Variants in COMMD9 observed in about 807,000 individuals in gnomAD.
The protein encoded by COMMD9 is COMM domain-containing protein 9.
COMMD9 carries 22 observed loss-of-function variants against 23.4 expected under a neutral mutation model. The observed-to-expected ratio is 0.94, with a 90% confidence interval of 0.67 to 1.34. COMMD9 has a LOEUF of 1.34. Ranked by LOEUF, COMMD9 falls within the 40% of genes most tolerant of loss-of-function variation. COMMD9 has a pLI of 0.00. For synonymous variants in COMMD9, 99 were observed against 97.4 expected (o/e 1.02, Z -0.10); for missense variants, 231 against 240.2 (o/e 0.96, Z 0.25).
At chr11:36,288,641 A>G (rs2133439026) in intron 1 of COMMD9, among the ~76,000 whole-genome samples, 1 of 152,182 alleles carries the variant, frequency 6.6e-6, no homozygotes, top group East Asian at 1.9e-4. Context: ...TCTCTACTAA[A>G]AATACATAAA....
At chr11:36,279,822 T>C (rs569271844) in intron 2 of COMMD9, among the ~76,000 whole-genome samples, 4 of 152,284 alleles carry the variant, frequency 2.6e-5, no homozygotes, top group East Asian at 1.9e-4. Flanking sequence ...ACAAAAAACA[T>C]AGGCCAGGTG....
chr11:36,286,492 G>T (rs1216842333), intron 1 of COMMD9, among the ~76,000 whole-genome samples: 1 of 150,834 alleles, frequency 6.6e-6, no homozygotes, highest in East Asian at 1.9e-4. Context: ...CTAGCTACTT[G>T]GTAGACTGAG....
Position 36,278,599 on chromosome 11 carries a change from G to A in COMMD9, c.195C>T (p.His65=), listed in dbSNP as rs1856014689. 1.2e-6 allele frequency: 2 copies of A among 1,613,934 alleles called. No individual in the cohort carries two copies. The highest frequency in any genetic ancestry group is 1.7e-6 in the Non-Finnish European group (2 of 1,179,960). ...EEAEELLQAL[H]RLTRLVAFRD... Reference sequence around the variant, plus strand: ...GGAATGCCACCAGCCTAGTGAGGCGGTGCAGAGCCTGGAGCAGCTGCAAGA... The same window carrying A: ...GGAATGCCACCAGCCTAGTGAGGCGATGCAGAGCCTGGAGCAGCTGCAAGA... The change falls in exon 3 of 6, where the codon CAC becomes CAT. Residue 65 remains histidine, a synonymous_variant. Coordinates refer to ENST00000263401, the MANE Select transcript of COMMD9 (RefSeq NM_014186.4).
intron 1 of COMMD9, among the ~76,000 whole-genome samples, chr11:36,283,281 G>A (rs1189737342): frequency 6.6e-6 from 1 of 152,052 alleles, no homozygotes; most frequent in Non-Finnish European, 1.5e-5. Context: ...GACAGAACAG[G>A]GCAAACAAAA....
At chr11:36,278,840 C>A (rs1473059473) in intron 2 of COMMD9, among the ~76,000 whole-genome samples, 1 of 152,198 alleles carries the variant, frequency 6.6e-6, no homozygotes, top group Admixed American at 6.5e-5. Flanking sequence ...AGCTCCCTGA[C>A]CTAGGAAGCT....
intron 2 of COMMD9, 137 bp downstream of exon 2, chr11:36,280,575 T>G (rs1304283297): frequency 1.3e-6 from 1 of 779,648 alleles, no homozygotes; most frequent in East Asian, 2.7e-5. Flanking sequence ...CTCCCATTCA[T>G]GTCCCATTTA....
Position 36,274,699 on chromosome 11 carries a change from GT to G in COMMD9, c.529del (p.Thr177HisfsTer6). 6.2e-7 allele frequency: 1 copy of G among 1,614,274 alleles called. No homozygotes were observed. Among genetic ancestry groups the G allele is most frequent in the Non-Finnish European group, 8.5e-7 (1 of 1,180,044 alleles). On this transcript the variant is annotated frameshift_variant, in exon 6 of 6. Coordinates refer to ENST00000263401, the MANE Select transcript of COMMD9 (RefSeq NM_014186.4). LOFTEE classifies it high-confidence loss of function. ...SAVTVELSKETLDTMLDGLGR... is the reference protein window; with the variant it reads ...SAVTVELSKEXLDTMLDGLGR... ...CAGGCCATCTAACATGGTGTCCAGT[GT>G]TTCTTTGCTCAGCTCCACGGTGACA...
chr11:36,277,237 A>G, intron 3 of COMMD9, 114 bp from the exon 4 acceptor site: 2 of 616,776 alleles, frequency 3.2e-6, no homozygotes, highest in Non-Finnish European at 5.2e-6. Flanking sequence ...ATCACCTGCT[A>G]ACAGGAAAGG....
rs1453133759 is a variant in COMMD9, at chr11:36,278,468, A to G, written c.317+9T>C. ...AGTTAGAAGGGACTTTCAAGAAATG[A>G]GCACTTACACATGTTCTAGGATGAT... On this transcript the variant is annotated intron_variant, in intron 3 of 5. Transcript: ENST00000263401. The G allele has an allele frequency of 6.2e-7, 1 of 1,609,490 alleles. No homozygotes were observed. The highest frequency in any genetic ancestry group is 8.5e-7 in the Non-Finnish European group (1 of 1,176,174).
At chr11:36,277,032 G>C (rs770138552) in intron 4 of COMMD9, 57 bp downstream of exon 4, 3 of 1,476,556 alleles carry the variant, frequency 2.0e-6, no homozygotes, top group Non-Finnish European at 2.8e-6. Context: ...TTGGCAGACT[G>C]AGAGCTGGGG....
intron 2 of COMMD9, among the ~76,000 whole-genome samples, chr11:36,278,946 C>T (rs896881420): frequency 2.7e-4 from 41 of 152,200 alleles, no homozygotes; most frequent in Non-Finnish European, 5.4e-4. Flanking sequence ...CTTTCTGGTG[C>T]TGTTTCCCTG....
At chr11:36,289,313 T>C (rs1856227234) in intron 1 of COMMD9, 49 bp downstream of exon 1, 1 of 1,532,174 alleles carries the variant, frequency 6.5e-7, no homozygotes, top group Non-Finnish European at 8.8e-7. Context: ...CCGTCTAAAG[T>C]CTCGGAGACA....
intron 1 of COMMD9, among the ~76,000 whole-genome samples, chr11:36,287,046 A>AG (rs201611441): frequency 1.3e-5 from 2 of 151,450 alleles, no homozygotes; most frequent in Non-Finnish European, 2.9e-5. Context: ...AGTATGCTAT[A>AG]TATGTATACT....
At chr11:36,278,906 C>G (rs1856020427) in intron 2 of COMMD9, among the ~76,000 whole-genome samples, 1 of 152,230 alleles carries the variant, frequency 6.6e-6, no homozygotes, top group African/African-American at 2.4e-5. Flanking sequence ...AGCCCTTTTC[C>G]TTCTGCATGA....
At chr11:36,276,071 G>C in intron 5 of COMMD9, 66 bp downstream of exon 5, 1 of 1,152,988 alleles carries the variant, frequency 8.7e-7, no homozygotes, top group Non-Finnish European at 1.3e-6. Flanking sequence ...AAACCTTGGA[G>C]ACTAGTGTTT....
rs1168141182 is a variant in COMMD9, at chr11:36,272,815, G to C, written c.*1817C>G. The C allele has an allele frequency of 6.6e-6, 1 of 152,168 alleles. No individual in the cohort carries two copies. Among genetic ancestry groups the C allele is most frequent in the African/African-American group, 2.4e-5 (1 of 41,428 alleles). 9.4% of individuals were successfully genotyped at this position (152,168 alleles called of 1,614,324 possible). A position where few individuals can be genotyped will look rare whatever the true frequency, so the allele number is the denominator to read the frequency against. On this transcript the variant is annotated 3_prime_UTR_variant, in exon 6 of 6. Transcript: ENST00000263401. ...TATGTTCCTTGCAAAGTCCTGTGTT[G>C]TAAAGAGAAAGCTAGAGAAATATGG...
intron 2 of COMMD9, among the ~76,000 whole-genome samples, chr11:36,278,869 C>G (rs1021727553): frequency 2.6e-5 from 4 of 152,352 alleles, no homozygotes; most frequent in African/African-American, 9.6e-5. Flanking sequence ...GTCAGAAACT[C>G]TCCACTTGTG....
chr11:36,288,167 T>C (rs1461844478), intron 1 of COMMD9, among the ~76,000 whole-genome samples: 1 of 152,148 alleles, frequency 6.6e-6, no homozygotes, highest in Non-Finnish European at 1.5e-5. Context: ...CCAGGTATTA[T>C]TGTTCTACTT....
At chr11:36,288,092 G>A (rs1324887613) in intron 1 of COMMD9, among the ~76,000 whole-genome samples, 2 of 152,268 alleles carry the variant, frequency 1.3e-5, no homozygotes, top group African/African-American at 2.4e-5. Flanking sequence ...TAGATTGCCA[G>A]TCCCAGCTCT....
Sources: gnomAD v4.1 joint callset for allele counts (sites outside exome capture counted in the v4.1 genomes callset) on GRCh38, gnomAD v4.1.1 for gene constraint, MANE v1.5 for transcripts, NCBI Gene and HGNC (gene_info 2026-07-23, HGNC 2026-07-21) for gene names.